Variants in TNFRSF11B observed in about 807,000 individuals in gnomAD.
TNFRSF11B encodes tumor necrosis factor receptor superfamily member 11B.
A neutral mutation model predicts 43.4 loss-of-function variants in TNFRSF11B; 16 were observed. That is an observed-to-expected ratio of 0.37 (90% CI 0.25 to 0.56). TNFRSF11B has a LOEUF of 0.56. Among genes scored for constraint, TNFRSF11B ranks in the 20% least tolerant of loss-of-function variants. The pLI is 0.80. For synonymous variants in TNFRSF11B, 185 were observed against 181.8 expected (o/e 1.02, Z -0.14); for missense variants, 444 against 490.1 (o/e 0.91, Z 0.89).
At chr8:118,946,141 T>C (rs1298746353) in intron 1 of TNFRSF11B, among the ~76,000 whole-genome samples, 2 of 152,162 alleles carry the variant, frequency 1.3e-5, no homozygotes, top group Non-Finnish European at 2.9e-5. Flanking sequence ...TCTATCCATT[T>C]ATGGTGTGGC....
rs1812283116 is a variant in TNFRSF11B at position 118,928,778 on chromosome 8, T to C, written c.552A>G (p.Ile184Met). The C allele has an allele frequency of 6.2e-7, 1 of 1,614,088 alleles. No homozygotes were observed. The highest frequency in any genetic ancestry group is 1.3e-5 in the African/African-American group (1 of 74,942). ...TQKGNATHDNICSGNSESTQK... is the reference protein window; with the variant it reads ...TQKGNATHDNMCSGNSESTQK... Reference sequence around the variant, plus strand: ...GAGTTGATTCACTGTTTCCGGAACATATGTTGTCGTGTGTTGCATTTCCTT... The same window carrying C: ...GAGTTGATTCACTGTTTCCGGAACACATGTTGTCGTGTGTTGCATTTCCTT... The change falls in exon 3 of 5, where the codon ATA (isoleucine) becomes ATG (methionine). Residue 184 changes from isoleucine (I) to methionine (M), a missense_variant. Physicochemically the swap from Ile to Met is conservative, Grantham distance 10. Coordinates refer to ENST00000297350, the MANE Select transcript of TNFRSF11B (RefSeq NM_002546.4).
intron 4 of TNFRSF11B, among the ~76,000 whole-genome samples, chr8:118,925,878 A>G (rs1812238951): frequency 6.6e-6 from 1 of 152,144 alleles, no homozygotes; most frequent in Non-Finnish European, 1.5e-5. Context: ...CTCTCACACC[A>G]TTTCTAAAGG....
chr8:118,938,035 A>G (rs1008902715), intron 1 of TNFRSF11B, among the ~76,000 whole-genome samples: 3 of 152,228 alleles, frequency 2.0e-5, no homozygotes, highest in African/African-American at 7.2e-5. Context: ...TGTTGGTCAC[A>G]AATATACAAA....
chr8:118,928,652 G>C, intron 3 of TNFRSF11B, 86 bp downstream of exon 3: 1 of 1,435,878 alleles, frequency 7.0e-7, no homozygotes, highest in Non-Finnish European at 9.8e-7. Flanking sequence ...GTTTGACCAA[G>C]AATGTGGCTG....
intron 1 of TNFRSF11B, among the ~76,000 whole-genome samples, chr8:118,941,560 G>C (rs1812486357): frequency 6.6e-6 from 1 of 152,106 alleles, no homozygotes; most frequent in Non-Finnish European, 1.5e-5. Context: ...CCCTTCAGAA[G>C]TTTCCTTTAG....
chr8:118,950,661 C>G (rs991322974), intron 1 of TNFRSF11B, among the ~76,000 whole-genome samples: 2 of 152,314 alleles, frequency 1.3e-5, no homozygotes, highest in African/African-American at 4.8e-5. Context: ...TTTAAAAGCA[C>G]TCCATAGTAT....
chr8:118,938,559 G>A (rs992757282), intron 1 of TNFRSF11B, among the ~76,000 whole-genome samples: 5 of 152,072 alleles, frequency 3.3e-5, no homozygotes, highest in African/African-American at 9.7e-5. Flanking sequence ...TTTCCCTTAC[G>A]CTATTCCCTT....
At chr8:118,944,934 G>A (rs551925574) in intron 1 of TNFRSF11B, among the ~76,000 whole-genome samples, 260 of 152,196 alleles carry the variant, frequency 1.7e-3, no homozygotes, top group African/African-American at 6.1e-3. Context: ...TTAACTAAAT[G>A]GGATATGAAA....
intron 1 of TNFRSF11B, among the ~76,000 whole-genome samples, chr8:118,936,701 C>T (rs1260255801): frequency 6.6e-6 from 1 of 152,018 alleles, no homozygotes; most frequent in African/African-American, 2.4e-5. Flanking sequence ...GGGACACATG[C>T]ATCGGTGTGT....
intron 1 of TNFRSF11B, among the ~76,000 whole-genome samples, chr8:118,942,404 T>C (rs1360619708): frequency 6.6e-6 from 1 of 152,034 alleles, no homozygotes; most frequent in Non-Finnish European, 1.5e-5. Context: ...AATCAATATA[T>C]GACAATGGAC....
chr8:118,928,603 A>T, intron 3 of TNFRSF11B, 135 bp downstream of exon 3: 1 of 946,036 alleles, frequency 1.1e-6, no homozygotes, highest in Non-Finnish European at 1.7e-6. Context: ...CATCGAGAGT[A>T]GCCTTAGCTG....
At chr8:118,945,870 A>G (rs1014210159) in intron 1 of TNFRSF11B, among the ~76,000 whole-genome samples, 3 of 152,086 alleles carry the variant, frequency 2.0e-5, no homozygotes, top group African/African-American at 7.2e-5. Flanking sequence ...CTATTTTCCT[A>G]TTTTATTGGT....
intron 2 of TNFRSF11B, 39 bp downstream of exon 2, chr8:118,932,892 G>T: frequency 1.2e-6 from 2 of 1,612,764 alleles, no homozygotes; most frequent in Non-Finnish European, 1.7e-6. Context: ...ATCTGACTTT[G>T]CATGATCCTA....
In TNFRSF11B at chr8:118,928,792, T is replaced by C. The variant is rs1307272610; in HGVS notation, c.538A>G (p.Thr180Ala). ...TTTCCGGAACATATGTTGTCGTGTG[T>C]TGCATTTCCTTTCTGAGTTAGCAGG... ...GLLLTQKGNA[T>A]HDNICSGNSE... The change falls in exon 3 of 5, where the codon ACA (threonine) becomes GCA (alanine). Residue 180 changes from threonine to alanine, a missense_variant. Thr to Ala is a moderately conservative substitution (Grantham distance 58). Transcript: ENST00000297350. The C allele has an allele frequency of 1.2e-6, 2 of 1,614,232 alleles. No individual in the cohort carries two copies. Among genetic ancestry groups the C allele is most frequent in the Non-Finnish European group, 1.7e-6 (2 of 1,180,042 alleles).
intron 1 of TNFRSF11B, among the ~76,000 whole-genome samples, chr8:118,947,723 T>G (rs1812587618): frequency 6.6e-6 from 1 of 152,226 alleles, no homozygotes; most frequent in Non-Finnish European, 1.5e-5. Flanking sequence ...ATAAATTTGA[T>G]AGAAGATTAT....
At chr8:118,943,583 C>T (rs1812517971) in intron 1 of TNFRSF11B, among the ~76,000 whole-genome samples, 1 of 152,108 alleles carries the variant, frequency 6.6e-6, no homozygotes, top group Non-Finnish European at 1.5e-5. Flanking sequence ...TACCTAACTT[C>T]TCTGAACCTC....
intron 1 of TNFRSF11B, 97 bp downstream of exon 1, chr8:118,951,695 G>A: frequency 8.1e-7 from 1 of 1,229,238 alleles, no homozygotes. Context: ...GGGAGCGAGT[G>A]GAGCCTTCTC....
intron 2 of TNFRSF11B, among the ~76,000 whole-genome samples, chr8:118,932,328 G>A (rs994304064): frequency 4.6e-5 from 7 of 152,258 alleles, no homozygotes; most frequent in African/African-American, 1.7e-4. Flanking sequence ...TTGACAATCT[G>A]TTTTGTCTAA....
chr8:118,927,933 A>G (rs1207939760), intron 3 of TNFRSF11B, among the ~76,000 whole-genome samples: 2 of 152,122 alleles, frequency 1.3e-5, no homozygotes, highest in Non-Finnish European at 2.9e-5. Flanking sequence ...GAAGAGCTTA[A>G]CACAACCAGA....
Sources: allele counts gnomAD v4.1 joint callset (sites outside exome capture counted in the v4.1 genomes callset), GRCh38; gene constraint gnomAD v4.1.1; transcripts MANE v1.5; gene names NCBI Gene and HGNC (gene_info 2026-07-23, HGNC 2026-07-21).